EXOC6B: variants seen among roughly 807,000 people sequenced by gnomAD.
EXOC6B encodes SEC15 homolog B.
EXOC6B carries 54 observed loss-of-function variants against 113.5 expected under a neutral mutation model. The observed-to-expected ratio is 0.48, with a 90% CI of 0.38 to 0.60. The LOEUF (loss-of-function observed/expected upper bound fraction) is 0.60. Among genes scored for constraint, EXOC6B ranks in the 20% least tolerant of loss-of-function variants. EXOC6B has a pLI of 0.00. For synonymous variants in EXOC6B, 357 were observed against 339.0 expected, an observed-to-expected ratio of 1.05 and a Z score of -0.58; for missense variants, 797 against 977.5, an observed-to-expected ratio of 0.82 and a Z score of 2.46.
At chr2:72,493,455 A>T (rs1483553215) in intron 15 of EXOC6B, among the ~76,000 whole-genome samples, 3 of 151,504 alleles carry the variant, frequency 2.0e-5, no homozygotes, top group Middle Eastern at 3.4e-3. Context: ...CATGCAAGCA[A>T]GATTAAAAGA....
At chr2:72,678,373 G>A (rs1308116323) in intron 6 of EXOC6B, among the ~76,000 whole-genome samples, 5 of 152,142 alleles carry the variant, frequency 3.3e-5, no homozygotes, top group African/African-American at 1.2e-4. Flanking sequence ...AAACAGTGCG[G>A]CTAGAGGTCC....
At chr2:72,576,394 A>G (rs1380459741) in intron 6 of EXOC6B, among the ~76,000 whole-genome samples, 1 of 152,110 alleles carries the variant, frequency 6.6e-6, no homozygotes, top group African/African-American at 2.4e-5. Context: ...GATACAGAGA[A>G]GTAGAAAGTG....
rs755380140 is a variant in EXOC6B at position 72,559,486 on chromosome 2, T to A, written c.882A>T (p.Pro294=). 8 of 1,612,866 alleles carry A rather than the reference T, an allele frequency of 5.0e-6. No homozygotes were observed. The South Asian group carries it at 8.8e-5, about 18-fold the overall frequency. The change falls in exon 8 of 22, where the codon CCA becomes CCT. Residue 294 remains proline, a synonymous_variant. Coordinates refer to ENST00000272427, the MANE Select transcript of EXOC6B (RefSeq NM_015189.3). ...PGAQDLVDFS[P]VYRCLHIYSV... Reference sequence around the variant, plus strand: ...AATATATATGTAGACATCGATAAACTGGAGAGAAATCCACCAAATCTTGGG... The same window carrying A: ...AATATATATGTAGACATCGATAAACAGGAGAGAAATCCACCAAATCTTGGG...
chr2:72,694,247 C>G (rs1209123311), intron 6 of EXOC6B, among the ~76,000 whole-genome samples: 1 of 152,022 alleles, frequency 6.6e-6, no homozygotes, highest in Non-Finnish European at 1.5e-5. Flanking sequence ...AGCTTGAGAC[C>G]AGCCTGGCCA....
intron 18 of EXOC6B, among the ~76,000 whole-genome samples, chr2:72,403,599 T>G (rs1033552201): frequency 1.3e-5 from 2 of 151,784 alleles, no homozygotes; most frequent in African/African-American, 4.8e-5. Flanking sequence ...GAGACTGAGG[T>G]GGGAGGATGG....
chr2:72,325,604 G>A (rs1558559387), intron 20 of EXOC6B, among the ~76,000 whole-genome samples: 2 of 151,798 alleles, frequency 1.3e-5, no homozygotes, highest in Admixed American at 6.6e-5. Context: ...AATCTGACAT[G>A]GCCCACGGTG....
At chr2:72,438,032 T>G (rs1695979433) in intron 18 of EXOC6B, among the ~76,000 whole-genome samples, 2 of 152,272 alleles carry the variant, frequency 1.3e-5, no homozygotes, top group Non-Finnish European at 2.9e-5. Context: ...ACCATGTGGT[T>G]AGATCATTGA....
intron 16 of EXOC6B, among the ~76,000 whole-genome samples, chr2:72,487,220 C>G (rs192416019): frequency 2.0e-5 from 3 of 152,172 alleles, no homozygotes; most frequent in Non-Finnish European, 4.4e-5. Flanking sequence ...TTTTCCTTAA[C>G]GTTCTTTATC....
intron 7 of EXOC6B, among the ~76,000 whole-genome samples, chr2:72,566,426 T>C (rs750841700): frequency 2.0e-5 from 3 of 152,182 alleles, no homozygotes; most frequent in Non-Finnish European, 4.4e-5. Context: ...TATCCCTTCA[T>C]GCATTGAAGG....
At chr2:72,768,379 C>T (rs1001326981) in intron 1 of EXOC6B, among the ~76,000 whole-genome samples, 3 of 151,092 alleles carry the variant, frequency 2.0e-5, no homozygotes, top group Admixed American at 1.3e-4. Flanking sequence ...GCAACCTCCG[C>T]CTACCGGGTT....
At chr2:72,818,128 C>T (rs1398575950) in intron 1 of EXOC6B, among the ~76,000 whole-genome samples, 6 of 151,662 alleles carry the variant, frequency 4.0e-5, no homozygotes, top group Non-Finnish European at 7.4e-5. Flanking sequence ...CCCACCACCA[C>T]GCCAGGCTAA....
At chr2:72,779,600 C>G (rs540029495) in intron 1 of EXOC6B, among the ~76,000 whole-genome samples, 22 of 152,050 alleles carry the variant, frequency 1.4e-4, no homozygotes, top group African/African-American at 5.1e-4. Context: ...GACCCCAAGC[C>G]CCATGCCAAT....
intron 1 of EXOC6B, among the ~76,000 whole-genome samples, chr2:72,765,183 C>A (rs980597164): frequency 5.3e-5 from 8 of 152,068 alleles, no homozygotes; most frequent in African/African-American, 1.7e-4. Flanking sequence ...GTAGTCCCAG[C>A]TACTTGGAAT....
intron 6 of EXOC6B, among the ~76,000 whole-genome samples, chr2:72,654,620 G>T (rs935623178): frequency 2.6e-5 from 4 of 152,162 alleles, no homozygotes; most frequent in Admixed American, 1.3e-4. Context: ...ATGCTTAGAT[G>T]CTGAGCACAG....
intron 20 of EXOC6B, among the ~76,000 whole-genome samples, chr2:72,249,134 A>C (rs768043): frequency 0.46 from 69,718 of 152,080 alleles, 20,981 homozygotes; most frequent in African/African-American, 0.86. Flanking sequence ...GGCATGGTGT[A>C]ATATGCCTGC....
chr2:72,337,380 C>T (rs907403164), intron 19 of EXOC6B, among the ~76,000 whole-genome samples: 1 of 152,170 alleles, frequency 6.6e-6, no homozygotes, highest in Admixed American at 6.6e-5. Context: ...TCAAACCCTA[C>T]TTGTGTCAAA....
At chr2:72,435,519 AC>A (rs1695798948) in intron 18 of EXOC6B, among the ~76,000 whole-genome samples, 1 of 152,172 alleles carries the variant, frequency 6.6e-6, no homozygotes, top group Admixed American at 6.5e-5. Flanking sequence ...AAAGTCTCCC[AC>A]TATTATTGTG....
chr2:72,527,992 C>T (rs914243306), intron 8 of EXOC6B, among the ~76,000 whole-genome samples: 1 of 151,952 alleles, frequency 6.6e-6, no homozygotes, highest in African/African-American at 2.4e-5. Flanking sequence ...TCCCACTCCA[C>T]TGTATCTTTT....
chr2:72,544,501 C>A (rs1702795300), intron 8 of EXOC6B, among the ~76,000 whole-genome samples: 1 of 151,994 alleles, frequency 6.6e-6, no homozygotes, highest in Non-Finnish European at 1.5e-5. Context: ...AGTGTCCTTG[C>A]CATCTCTGTA....
Sources: allele counts gnomAD v4.1 joint callset (sites outside exome capture counted in the v4.1 genomes callset), GRCh38; gene constraint gnomAD v4.1.1; transcripts MANE v1.5; gene names NCBI Gene and HGNC (gene_info 2026-07-23, HGNC 2026-07-21).